TATDN1: variants seen among roughly 807,000 people sequenced by gnomAD.
TATDN1 encodes the protein TatD DNase domain containing 1.
In TATDN1, 40 loss-of-function variants were observed where a neutral mutation model predicts 46.4. The observed-to-expected ratio is 0.86, with a 90% CI of 0.67 to 1.12. The LOEUF is 1.12. Ranked by LOEUF, TATDN1 falls within the 50% of genes most tolerant of loss-of-function variation. The pLI, the probability that TATDN1 is intolerant of heterozygous loss-of-function variation, is 0.00. For synonymous variants in TATDN1, 95 were observed against 105.6 expected, an observed-to-expected ratio of 0.90 and a Z score of 0.62; for missense variants, 326 against 348.4, an observed-to-expected ratio of 0.94 and a Z score of 0.51.
At chr8:124,523,147 T>A (rs1201285520) in intron 1 of TATDN1, 145 bp from the exon 2 acceptor site, 17 of 653,550 alleles carry the variant, frequency 2.6e-5, no homozygotes, top group Non-Finnish European at 4.5e-5. Flanking sequence ...TCAACTACTG[T>A]GCTAGAAACA....
chr8:124,492,556 C>T lies in TATDN1; in HGVS notation c.791+1277G>A, dbSNP rs1817103964. Among the ~76,000 whole-genome samples, 5 of 151,784 alleles carry T rather than the reference C, an allele frequency of 3.3e-5. No individual in the cohort carries two copies. In the South Asian group the frequency reaches 1.0e-3, roughly 32 times the overall value. On this transcript the variant is annotated intron_variant, in intron 11 of 11. Transcript: ENST00000276692. ...GGAGGCTGAGGTCAGGAGTTTGAGA[C>T]CAGCCTGGCCAACATGGCAAAACCC...
Position 124,518,852 on chromosome 8 carries a change from G to A in TATDN1, c.168C>T (p.Asp56=), listed in dbSNP as rs545195237. 1.9e-4 allele frequency: 299 copies of A among 1,610,818 alleles called. 7 individuals are homozygous for A. In the South Asian group the frequency reaches 3.2e-3, roughly 17 times the overall value. The change falls in exon 4 of 12, where the codon GAC becomes GAT. Residue 56 remains aspartate (D), a synonymous_variant. Coordinates refer to ENST00000276692, the MANE Select transcript of TATDN1 (RefSeq NM_032026.4). ...GTGCCAAATGCAGTGCATCTTTACT[G>A]TCTTGTAGATTTCCACCTGTAATCA... ...KFMITGGNLQ[D]SKDALHLAQT... is the part of the protein sequence containing the mutation.
rs139097928 is a variant in TATDN1, at chr8:124,488,632, A to G, written c.856T>C (p.Tyr286His). Residue 286 changes from tyrosine to histidine, a missense_variant, in exon 12 of 12, where the codon TAT becomes CAT. Coordinates refer to ENST00000276692, the MANE Select transcript of TATDN1 (RefSeq NM_032026.4). Reference sequence around the variant, plus strand: ...AAAAATACTTTAATAGTATTGTTATATAGTGTATTGGCTAATTCCAGTGGA... The same window carrying G: ...AAAAATACTTTAATAGTATTGTTATGTAGTGTATTGGCTAATTCCAGTGGA... Reference protein sequence around the residue: ...EDPLELANTLYNNTIKVFFPG... With the variant: ...EDPLELANTLHNNTIKVFFPG... 87 of 1,595,938 alleles carry G rather than the reference A, an allele frequency of 5.5e-5. No individual in the cohort carries two copies. The highest frequency in any genetic ancestry group is 7.3e-5 in the Non-Finnish European group (85 of 1,164,524).
chr8:124,503,827 A>G (rs1818180249), intron 9 of TATDN1: 7 of 1,038,016 alleles, frequency 6.7e-6, no homozygotes, highest in Non-Finnish European at 9.2e-6. Context: ...TCATACTTGG[A>G]GAAACTCTAT....
intron 8 of TATDN1, among the ~76,000 whole-genome samples, chr8:124,506,723 G>A (rs1326113937): frequency 6.6e-6 from 1 of 152,182 alleles, no homozygotes; most frequent in Non-Finnish European, 1.5e-5. Context: ...CAGGCATAGT[G>A]TAACTGTGAT....
In TATDN1 at chr8:124,503,889, T is replaced by C. The variant is rs752980668; in HGVS notation, c.593+382A>G. The stretch of plus-strand genomic sequence containing the variant: ...CGGTTTCTTTGACTGCAGAGATGTA[T>C]GACTGTCACAGAATAAACCGTTCGT... On this transcript the variant is annotated intron_variant, in intron 9 of 11. Coordinates refer to ENST00000276692, the MANE Select transcript of TATDN1 (RefSeq NM_032026.4). The C allele has an allele frequency of 4.7e-6, 6 of 1,289,678 alleles. 1 individual carries two copies. The South Asian group carries it at 7.4e-5, about 16-fold the overall frequency. 79.9% of individuals were successfully genotyped at this position (1,289,678 alleles called of 1,614,324 possible).
At chr8:124,513,487 C>T (rs997243808) in intron 6 of TATDN1, among the ~76,000 whole-genome samples, 1 of 152,178 alleles carries the variant, frequency 6.6e-6, no homozygotes, top group African/African-American at 2.4e-5. Flanking sequence ...GCTGAGGAGG[C>T]ACTTGGTAAT....
At chr8:124,495,184 G>T in intron 10 of TATDN1, 1 of 407,080 alleles carries the variant, frequency 2.5e-6, no homozygotes, top group Non-Finnish European at 4.4e-6. Context: ...GCTTAGTCAA[G>T]ACCCCTTGTT....
chr8:124,527,214 C>T (rs184413096), intron 1 of TATDN1, among the ~76,000 whole-genome samples: 7 of 152,160 alleles, frequency 4.6e-5, no homozygotes, highest in Non-Finnish European at 5.9e-5. Flanking sequence ...TGGATTCATG[C>T]GTGTATGATA....
chr8:124,491,884 TGTG>T (rs1032475640), intron 11 of TATDN1, among the ~76,000 whole-genome samples: 1 of 152,188 alleles, frequency 6.6e-6, no homozygotes, highest in Non-Finnish European at 1.5e-5. Flanking sequence ...ATTTTTTAAA[TGTG>T]GTTTAAATCT....
At chr8:124,501,664 A>T (rs1458024533) in intron 9 of TATDN1, among the ~76,000 whole-genome samples, 2 of 152,234 alleles carry the variant, frequency 1.3e-5, no homozygotes, top group African/African-American at 4.8e-5. Context: ...GTTACAAAAT[A>T]TAGCACTTTT....
At chr8:124,522,298 T>C in intron 2 of TATDN1, 98 bp from the exon 3 acceptor site, 1 of 753,654 alleles carries the variant, frequency 1.3e-6, no homozygotes, top group Non-Finnish European at 2.3e-6. Context: ...GTTTTATATT[T>C]GAAATTATAA....
chr8:124,503,307 GACAA>G (rs1818135716), intron 9 of TATDN1, among the ~76,000 whole-genome samples: 1 of 152,164 alleles, frequency 6.6e-6, no homozygotes, highest in African/African-American at 2.4e-5. Context: ...GAAATATGGT[GACAA>G]ATAGCAAAAT....
At chr8:124,535,708 C>T (rs1033930611) in intron 1 of TATDN1, among the ~76,000 whole-genome samples, 8 of 152,164 alleles carry the variant, frequency 5.3e-5, no homozygotes, top group Admixed American at 5.2e-4. Context: ...TTTTGCATTG[C>T]TATAAAGGAA....
intron 1 of TATDN1, among the ~76,000 whole-genome samples, chr8:124,528,451 G>A (rs1237236663): frequency 2.6e-5 from 4 of 152,164 alleles, no homozygotes; most frequent in African/African-American, 7.2e-5. Context: ...GGGATCACAG[G>A]GGTGAGCCAC....
chr8:124,497,203 A>C (rs1027436769), intron 9 of TATDN1, among the ~76,000 whole-genome samples: 1 of 152,002 alleles, frequency 6.6e-6, no homozygotes. Flanking sequence ...CACGCTGTGG[A>C]GTGCCCTAGT....
chr8:124,516,869 C>T (rs1819518006), intron 4 of TATDN1, among the ~76,000 whole-genome samples: 1 of 152,154 alleles, frequency 6.6e-6, no homozygotes, highest in South Asian at 2.1e-4. Flanking sequence ...AAGTCAAAAA[C>T]ACTTTTTGAA....
chr8:124,501,419 T>C lies in TATDN1; in HGVS notation c.593+2852A>G, dbSNP rs1368568369. ...AGAGAGCTTCCAAATGGCTTTTTTTTTTCTTTTTTTAAATAGACAGTGAAG... is the reference window on the plus strand; with the variant it reads ...AGAGAGCTTCCAAATGGCTTTTTTTCTTCTTTTTTTAAATAGACAGTGAAG... On this transcript the variant is annotated intron_variant, in intron 9 of 11. Transcript: ENST00000276692. 5.3e-5 allele frequency among the ~76,000 whole-genome samples: 8 copies of C among 152,262 alleles called. No homozygotes were observed. In the South Asian group the frequency reaches 1.5e-3, roughly 28 times the overall value.
chr8:124,506,661 C>T (rs1455546316), intron 8 of TATDN1, among the ~76,000 whole-genome samples: 1 of 152,176 alleles, frequency 6.6e-6, no homozygotes, highest in Non-Finnish European at 1.5e-5. Context: ...AAACTGTCAA[C>T]GTCAGGCCGC....
Sources: allele counts gnomAD v4.1 joint callset (sites outside exome capture counted in the v4.1 genomes callset), GRCh38; gene constraint gnomAD v4.1.1; transcripts MANE v1.5; gene names NCBI Gene and HGNC (gene_info 2026-07-23, HGNC 2026-07-21).